The following HORMAD1 variants were observed in gnomAD, a reference collection of about 807,000 sequenced individuals.
HORMAD1 encodes the protein HORMA domain-containing protein 1.
In HORMAD1, 33 loss-of-function variants were observed where a neutral mutation model predicts 58.2. The observed-to-expected ratio is 0.57, with a 90% CI of 0.43 to 0.76. The LOEUF (loss-of-function observed/expected upper bound fraction) is 0.76. Ranked by LOEUF, HORMAD1 falls within the 30% of genes least tolerant of loss-of-function variation. The pLI is 0.00. For missense variants in HORMAD1, 363 were observed against 462.0 expected (o/e 0.79, Z 1.96); for synonymous variants, 137 against 144.6 (o/e 0.95, Z 0.38).
chr1:150,698,734 C>T lies in HORMAD1; in HGVS notation c.1105G>A (p.Val369Ile), dbSNP rs1217047820. The T allele has an allele frequency of 3.8e-6, 6 of 1,574,946 alleles. No individual in the cohort carries two copies. Among genetic ancestry groups the T allele is most frequent in the Admixed American group, 1.7e-5 (1 of 57,766 alleles). ...CTAGAAGAATCAAAGTGATGGAGGA[C>T]CTGTCAAAAGAAAACAACTACTAAG... The part of the protein sequence containing the change: ...KRSQHESGRI[V>I]LHHFDSSSQE... Residue 369 changes from valine to isoleucine, a missense_variant and splice_region_variant, in exon 15 of 15, where the codon GTC becomes ATC. Transcript: ENST00000361824.
At chr1:150,710,011 A>G (rs926694012) in intron 7 of HORMAD1, among the ~76,000 whole-genome samples, 16 of 150,282 alleles carry the variant, frequency 1.1e-4, no homozygotes, top group African/African-American at 3.4e-4. Context: ...CCTTTTTACT[A>G]AAATAATGAA....
intron 3 of HORMAD1, among the ~76,000 whole-genome samples, chr1:150,715,651 AT>A (rs1263390574): frequency 2.0e-5 from 3 of 151,946 alleles, no homozygotes; most frequent in Non-Finnish European, 4.4e-5. Flanking sequence ...CTGGTCTTGA[AT>A]TCCTGGCCTC....
At chr1:150,715,177 A>G (rs1488923600) in intron 3 of HORMAD1, among the ~76,000 whole-genome samples, 1 of 152,230 alleles carries the variant, frequency 6.6e-6, no homozygotes, top group Non-Finnish European at 1.5e-5. Flanking sequence ...TTATTATAAG[A>G]TGCCATCATA....
chr1:150,700,335 T>C (rs1302722898), intron 13 of HORMAD1, 152 bp from the exon 14 acceptor site: 1 of 566,092 alleles, frequency 1.8e-6, no homozygotes, highest in Admixed American at 2.9e-5. Flanking sequence ...TGGAATGCAG[T>C]GGCACCATCA....
Position 150,700,172 on chromosome 1 carries a change from A to G in HORMAD1, c.1044T>C (p.Asn348=). 6.4e-7 allele frequency: 1 copy of G among 1,574,296 alleles called. No homozygotes were observed. The highest frequency in any genetic ancestry group is 1.3e-5 in the African/African-American group (1 of 74,192). ...TTTCTTTGGAAGATTTTACTGGTTGATTTCCATTTGCCTCCACAAAGATAG... is the reference window on the plus strand; with the variant it reads ...TTTCTTTGGAAGATTTTACTGGTTGGTTTCCATTTGCCTCCACAAAGATAG... ...KVFQNKMANG[N]QPVKSSKENR... is the part of the protein sequence containing the mutation. Residue 348 remains asparagine, a synonymous_variant, in exon 14 of 15, where the codon AAT becomes AAC. Coordinates refer to ENST00000361824, the MANE Select transcript of HORMAD1 (RefSeq NM_032132.5).
chr1:150,714,721 T>C (rs587759031), intron 3 of HORMAD1, 43 bp from the exon 4 acceptor site: 6 of 935,596 alleles, frequency 6.4e-6, no homozygotes, highest in African/African-American at 5.1e-5. Flanking sequence ...TTAAGAAAAG[T>C]AAACAACTAG....
Position 150,698,422 on chromosome 1 carries a change from T to C in HORMAD1, c.*232A>G. The C allele has an allele frequency of 1.3e-5, 4 of 297,906 alleles. No individual in the cohort carries two copies. The highest frequency in any genetic ancestry group is 2.5e-5 in the Non-Finnish European group (4 of 162,564). 18.5% of individuals were successfully genotyped at this position (297,906 alleles called of 1,614,324 possible). ...ATGAACAAAATCAATTTTGAAATTT[T>C]ACTTATTACCGAATCAATTATGACA... On this transcript the variant is annotated 3_prime_UTR_variant, in exon 15 of 15. Transcript: ENST00000361824.
chr1:150,704,404 C>A (rs1316502852), intron 10 of HORMAD1, 61 bp from the exon 11 acceptor site: 2 of 1,067,906 alleles, frequency 1.9e-6, no homozygotes, highest in South Asian at 1.5e-5. Context: ...AACAACTGAG[C>A]AGAAAGCATT....
At position 150,698,114 on chromosome 1, in the gene HORMAD1, C is replaced by A. The variant is rs1651421658; in HGVS notation, c.*540G>T. The A allele has an allele frequency of 6.6e-6, 1 of 152,098 alleles. No individual in the cohort carries two copies. The highest frequency in any genetic ancestry group is 1.5e-5 in the Non-Finnish European group (1 of 68,008). 9.4% of individuals were successfully genotyped at this position (152,098 alleles called of 1,614,324 possible). ...GCAAAAAATGCCATACTTTAAAAATCAGTCTTTTTGTCCTGTAAAAAAAAG... is the reference window on the plus strand; with the variant it reads ...GCAAAAAATGCCATACTTTAAAAATAAGTCTTTTTGTCCTGTAAAAAAAAG... On this transcript the variant is annotated 3_prime_UTR_variant, in exon 15 of 15. Transcript: ENST00000361824.
chr1:150,699,574 T>C (rs970694542), intron 14 of HORMAD1, among the ~76,000 whole-genome samples: 5 of 151,882 alleles, frequency 3.3e-5, no homozygotes, highest in African/African-American at 1.2e-4. Flanking sequence ...CGCCAGGCTG[T>C]AGTACAGTGG....
At chr1:150,705,205 G>A (rs190568210) in intron 10 of HORMAD1, among the ~76,000 whole-genome samples, 360 of 151,510 alleles carry the variant, frequency 2.4e-3, no homozygotes, top group Non-Finnish European at 4.3e-3. Flanking sequence ...TATTTTGCAG[G>A]GTTGCTTTAA....
At chr1:150,708,216 C>T in intron 9 of HORMAD1, 40 bp downstream of exon 9, 2 of 1,448,996 alleles carry the variant, frequency 1.4e-6, no homozygotes. Context: ...AATGATAAAA[C>T]ATATGTACCA....
chr1:150,706,109 C>G (rs1651683839), intron 10 of HORMAD1, among the ~76,000 whole-genome samples: 1 of 152,164 alleles, frequency 6.6e-6, no homozygotes, highest in Non-Finnish European at 1.5e-5. Flanking sequence ...CAGGAACTTC[C>G]AGGCTGCTTC....
chr1:150,703,533 T>C (rs1651599316), intron 12 of HORMAD1, 140 bp from the exon 13 acceptor site: 1 of 537,472 alleles, frequency 1.9e-6, no homozygotes, highest in African/African-American at 2.0e-5. Context: ...AGTTGGTTCA[T>C]ACTGTTCAAA....
At chr1:150,705,063 A>C (rs894029043) in intron 10 of HORMAD1, among the ~76,000 whole-genome samples, 1 of 152,082 alleles carries the variant, frequency 6.6e-6, no homozygotes, top group Non-Finnish European at 1.5e-5. Context: ...ACAAAACAAA[A>C]CAAAACAAAC....
chr1:150,711,410 C>T (rs1651898200), intron 7 of HORMAD1, 135 bp downstream of exon 7: 1 of 693,784 alleles, frequency 1.4e-6, no homozygotes, highest in African/African-American at 1.8e-5. Context: ...TTTTATGAAG[C>T]TCAAATGTGA....
Position 150,714,637 on chromosome 1 carries a change from C to A in HORMAD1, c.220G>T (p.Gly74Ter). Residue 74 changes from glycine to a stop codon, truncating the protein, a stop_gained, in exon 4 of 15, where the codon GGA becomes TGA. Coordinates refer to ENST00000361824, the MANE Select transcript of HORMAD1 (RefSeq NM_032132.5). LOFTEE classifies it high-confidence loss of function. ...TGCCATTTCACTAACTGTGTAGATCCTGGGCAATTTTTATCTTCTCTCAGT... is the reference window on the plus strand; with the variant it reads ...TGCCATTTCACTAACTGTGTAGATCATGGGCAATTTTTATCTTCTCTCAGT... ...KILREDKNCP[G>*]STQLVKWMLG... The A allele has an allele frequency of 2.3e-6, 3 of 1,331,916 alleles. No homozygotes were observed. The highest frequency in any genetic ancestry group is 3.0e-6 in the Non-Finnish European group (3 of 1,015,864). 82.5% of individuals were successfully genotyped at this position (1,331,916 alleles called of 1,614,324 possible). A position where few individuals can be genotyped will look rare whatever the true frequency, so the allele number is the denominator to read the frequency against.
At position 150,711,569 on chromosome 1, in the gene HORMAD1, T is replaced by C; in HGVS notation, c.303A>G (p.Val101=). ...CCTGAGGATCTTCTGGGTTTGTGTATACCTATTTAAAAACAATTTACAATT... is the reference window on the plus strand; with the variant it reads ...CCTGAGGATCTTCTGGGTTTGTGTACACCTATTTAAAAACAATTTACAATT... ...KKYLRMVVLA[V]YTNPEDPQTI... is the part of the protein sequence containing the mutation. Residue 101 remains valine (V), a splice_region_variant and synonymous_variant, in exon 7 of 15, where the codon GTA becomes GTG. Transcript: ENST00000361824. The C allele has an allele frequency of 6.2e-7, 1 of 1,600,934 alleles. No individual in the cohort carries two copies.
chr1:150,710,841 T>G (rs1018669400), intron 7 of HORMAD1, among the ~76,000 whole-genome samples: 1 of 152,252 alleles, frequency 6.6e-6, no homozygotes, highest in African/African-American at 2.4e-5. Flanking sequence ...TTGTAACAGC[T>G]ATAGCGTAAT....
Sources: gnomAD v4.1 joint callset for allele counts (sites outside exome capture counted in the v4.1 genomes callset) on GRCh38, gnomAD v4.1.1 for gene constraint, MANE v1.5 for transcripts, NCBI Gene and HGNC (gene_info 2026-07-23, HGNC 2026-07-21) for gene names.